Variants in PCTP observed in about 807,000 individuals in gnomAD.
PCTP encodes START domain-containing protein 2.
PCTP carries 27 observed loss-of-function variants against 31.0 expected under a neutral mutation model. The ratio of observed to expected loss-of-function variants is 0.87; its 90% confidence interval spans 0.64 to 1.20. The LOEUF is 1.20. Ranked by LOEUF, PCTP falls within the 50% of genes most tolerant of loss-of-function variation. The pLI is 0.00. For missense variants in PCTP, 287 were observed against 268.2 expected (o/e 1.07, Z -0.49); for synonymous variants, 108 against 101.2 (o/e 1.07, Z -0.40).
chr17:55,772,963 G>A (rs1911094751), intron 3 of PCTP, among the ~76,000 whole-genome samples: 1 of 152,204 alleles, frequency 6.6e-6, no homozygotes, highest in Admixed American at 6.5e-5. Context: ...TATGTCAAGT[G>A]CATGATGTTA....
chr17:55,776,604 C>T lies in PCTP; in HGVS notation c.*504C>T. On this transcript the variant is annotated 3_prime_UTR_variant, in exon 6 of 6. Transcript: ENST00000268896. ...CGTTCAGAGCTGACTTTCAGTGCAC[C>T]CAAACTGGATGACGTGCCAATGTCC... 1.6e-6 allele frequency: 2 copies of T among 1,230,862 alleles called. No individual in the cohort carries two copies. The highest frequency in any genetic ancestry group is 2.0e-6 in the Non-Finnish European group (2 of 988,032). The allele number at this position is 1,230,862 out of a possible 1,614,324, so 76.2% of individuals were successfully genotyped here.
At chr17:55,829,649 G>A (rs1905528079) in intron 5 of PCTP, among the ~76,000 whole-genome samples, 1 of 151,722 alleles carries the variant, frequency 6.6e-6, no homozygotes, top group African/African-American at 2.4e-5. Context: ...CCACCTCTGA[G>A]CCTCAACTAC....
At chr17:55,803,074 C>T (rs1476055565) in intron 3 of PCTP, among the ~76,000 whole-genome samples, 1 of 152,100 alleles carries the variant, frequency 6.6e-6, no homozygotes, top group Non-Finnish European at 1.5e-5. Context: ...AATAGACAAA[C>T]AGAGAGCCAA....
At chr17:55,787,027 ATGTGTGTG>A (rs145447335) in intron 2 of PCTP, among the ~76,000 whole-genome samples, 1 of 147,788 alleles carries the variant, frequency 6.8e-6, no homozygotes, top group Non-Finnish European at 1.5e-5. Context: ...ATGTGTGAGC[ATGTGTGTG>A]TGTGTGTGTG....
At chr17:55,790,463 A>G (rs565070475) in intron 3 of PCTP, among the ~76,000 whole-genome samples, 2 of 149,830 alleles carry the variant, frequency 1.3e-5, no homozygotes, top group African/African-American at 4.9e-5. Context: ...AAGTCTCAGG[A>G]TACAAAATCA....
chr17:55,806,419 T>C (rs1048671634), intron 3 of PCTP, among the ~76,000 whole-genome samples: 2 of 152,116 alleles, frequency 1.3e-5, no homozygotes, highest in South Asian at 2.1e-4. Flanking sequence ...ATCAGAGAAA[T>C]TGGCAAATGG....
At chr17:55,819,169 AG>A (rs1405484956) in intron 3 of PCTP, among the ~76,000 whole-genome samples, 3 of 152,146 alleles carry the variant, frequency 2.0e-5, no homozygotes, top group African/African-American at 7.2e-5. Context: ...AACCTGCTAA[AG>A]GGTGTTTATG....
At chr17:55,760,673 T>C (rs1910294874) in intron 1 of PCTP, among the ~76,000 whole-genome samples, 1 of 152,190 alleles carries the variant, frequency 6.6e-6, no homozygotes. Flanking sequence ...TACCTGCCTT[T>C]CTCCTGGTTC....
intron 3 of PCTP, among the ~76,000 whole-genome samples, chr17:55,771,459 A>G (rs1473945975): frequency 6.6e-6 from 1 of 152,204 alleles, no homozygotes; most frequent in Non-Finnish European, 1.5e-5. Flanking sequence ...AGGCCTTGAA[A>G]TTGTCAGGCC....
chr17:55,800,698 A>T (rs952940147), intron 3 of PCTP, among the ~76,000 whole-genome samples: 1 of 152,110 alleles, frequency 6.6e-6, no homozygotes, highest in Non-Finnish European at 1.5e-5. Context: ...GAAACATTTC[A>T]TCAAAACCTA....
rs560891348 is a variant in PCTP, at chr17:55,774,853, C to T, written c.573C>T (p.Ala191=). Residue 191 remains alanine (A), a synonymous_variant, in exon 5 of 6, where the codon GCC becomes GCT. Transcript: ENST00000268896. ...GQIPSWLINW[A]AKNGVPNFLK... is the part of the protein sequence containing the mutation. ...TTCCGTCCTGGCTCATTAACTGGGC[C>T]GCCAAGGTGAGATCCCAGGAGGTGG... 2.0e-5 allele frequency: 32 copies of T among 1,572,380 alleles called. No homozygotes were observed. Among genetic ancestry groups the T allele is most frequent in the East Asian group, 9.2e-5 (4 of 43,486 alleles).
Sources: allele counts gnomAD v4.1 joint callset (sites outside exome capture counted in the v4.1 genomes callset), GRCh38; gene constraint gnomAD v4.1.1; transcripts MANE v1.5; gene names NCBI Gene and HGNC (gene_info 2026-07-23, HGNC 2026-07-21).